The following VAMP4 variants were observed in gnomAD, a reference collection of about 807,000 sequenced individuals.
VAMP4 encodes the protein vesicle-associated membrane protein 4.
VAMP4 carries 19 observed loss-of-function variants against 23.5 expected under a neutral mutation model. The ratio of observed to expected loss-of-function variants is 0.81; its 90% CI spans 0.56 to 1.19. The LOEUF is 1.19. VAMP4 is among the 50% of genes most tolerant of loss of function. The pLI, the probability that VAMP4 is intolerant of heterozygous loss-of-function variation, is 0.00. For synonymous variants in VAMP4, 31 were observed against 51.0 expected, an observed-to-expected ratio of 0.61 and a Z score of 1.67; for missense variants, 145 against 168.6, an observed-to-expected ratio of 0.86 and a Z score of 0.78.
At chr1:171,738,319 T>G in intron 2 of VAMP4, 30 bp downstream of exon 2, 2 of 1,608,220 alleles carry the variant, frequency 1.2e-6, no homozygotes, top group South Asian at 2.2e-5. Flanking sequence ...TTGAATCTTT[T>G]GTTTTTAAAG....
intron 3 of VAMP4, among the ~76,000 whole-genome samples, chr1:171,720,895 A>G (rs538699663): frequency 1.9e-4 from 29 of 152,254 alleles, no homozygotes; most frequent in African/African-American, 6.3e-4. Context: ...TCTAATGAAC[A>G]TAGATGCAAA....
In VAMP4 at chr1:171,709,764, G is replaced by A. The variant is rs1422846960; in HGVS notation, c.266-20C>T. ...AGCTTTCTATATCACATAGAGGATGGAGAGAAGGATTAAACGACATAACAG... is the reference window on the plus strand; with the variant it reads ...AGCTTTCTATATCACATAGAGGATGAAGAGAAGGATTAAACGACATAACAG... On this transcript the variant is annotated intron_variant, in intron 5 of 7. Transcript: ENST00000236192. 3 of 1,583,660 alleles carry A rather than the reference G, an allele frequency of 1.9e-6. No individual in the cohort carries two copies. The highest frequency in any genetic ancestry group is 1.7e-5 in the Admixed American group (1 of 59,908).
At chr1:171,711,680 C>G (rs1016435814) in intron 4 of VAMP4, among the ~76,000 whole-genome samples, 2 of 152,050 alleles carry the variant, frequency 1.3e-5, no homozygotes, top group South Asian at 4.2e-4. Context: ...GTTGCTCTAA[C>G]CACAAAAATT....
At position 171,700,199 on chromosome 1, in the gene VAMP4, A is replaced by G. The variant is rs187742315; in HGVS notation, c.*4307T>C. 1.3e-5 allele frequency: 2 copies of G among 152,170 alleles called. No individual in the cohort carries two copies. The highest frequency in any genetic ancestry group is 2.4e-5 in the African/African-American group (1 of 41,442). 9.4% of individuals were successfully genotyped at this position (152,170 alleles called of 1,614,324 possible). A position where few individuals can be genotyped will look rare whatever the true frequency, so the allele number is the denominator to read the frequency against. On this transcript the variant is annotated 3_prime_UTR_variant, in exon 8 of 8. Transcript: ENST00000236192. ...GAAATAGTTTATTTCATTGTTCACTATGGAGGGGCTACAAATACACTTCTG... is the reference window on the plus strand; with the variant it reads ...GAAATAGTTTATTTCATTGTTCACTGTGGAGGGGCTACAAATACACTTCTG...
chr1:171,721,468 T>A (rs1288284681), intron 3 of VAMP4, among the ~76,000 whole-genome samples: 1 of 152,196 alleles, frequency 6.6e-6, no homozygotes, highest in Non-Finnish European at 1.5e-5. Context: ...GAATACAAGG[T>A]TAATTTACAA....
intron 3 of VAMP4, among the ~76,000 whole-genome samples, chr1:171,719,604 C>T (rs537904988): frequency 3.9e-5 from 6 of 152,092 alleles, no homozygotes; most frequent in South Asian, 4.1e-4. Flanking sequence ...GAACTAAAAG[C>T]GCAATTCATC....
chr1:171,741,403 T>A (rs567514863), intron 1 of VAMP4, among the ~76,000 whole-genome samples: 1 of 152,056 alleles, frequency 6.6e-6, no homozygotes, highest in Non-Finnish European at 1.5e-5. Context: ...ACCTGTCAAG[T>A]GTAACGATTC....
At chr1:171,734,267 C>CA (rs35870022) in intron 2 of VAMP4, among the ~76,000 whole-genome samples, 31,064 of 79,276 alleles carry the variant, frequency 0.39, 5,492 homozygotes, top group East Asian at 0.5. Flanking sequence ...GACTCCGTCT[C>CA]AAAAAAAAAA....
intron 4 of VAMP4, among the ~76,000 whole-genome samples, chr1:171,717,590 C>T (rs986277958): frequency 6.6e-6 from 1 of 151,356 alleles, no homozygotes; most frequent in Non-Finnish European, 1.5e-5. Flanking sequence ...GAGTATCCCA[C>T]AATTTGTACT....
intron 6 of VAMP4, among the ~76,000 whole-genome samples, chr1:171,708,369 TA>T (rs946977637): frequency 1.5e-5 from 2 of 134,980 alleles, no homozygotes; most frequent in African/African-American, 5.4e-5. Context: ...TTAAAGAAAA[TA>T]AATTTATTCT....
rs1466287079 is a variant in VAMP4, at chr1:171,701,040, C to CG, written c.*3465_*3466insC. ...ATTAAAGAGGATCTAAACCCTACAT[C>CG]AATCTAAAGCATTTAGACAAATGCA... On this transcript the variant is annotated 3_prime_UTR_variant, in exon 8 of 8. Transcript: ENST00000236192. 1.3e-5 allele frequency: 2 copies of CG among 152,070 alleles called. No individual in the cohort carries two copies. The highest frequency in any genetic ancestry group is 4.8e-5 in the African/African-American group (2 of 41,414). The allele number at this position is 152,070 out of a possible 1,614,324, so 9.4% of individuals were successfully genotyped here.
intron 1 of VAMP4, 86 bp from the exon 2 acceptor site, chr1:171,738,549 G>T: frequency 1.3e-6 from 1 of 787,548 alleles, no homozygotes; most frequent in Non-Finnish European, 2.0e-6. Context: ...AACCCTGTAT[G>T]ACAGGGACTC....
intron 3 of VAMP4, among the ~76,000 whole-genome samples, chr1:171,720,436 C>T (rs779416682): frequency 2.6e-5 from 4 of 151,618 alleles, no homozygotes; most frequent in African/African-American, 4.8e-5. Flanking sequence ...TAGAAAAACA[C>T]AAAATGAAAA....
rs1190928150 is a variant in VAMP4 at position 171,702,589 on chromosome 1, A to G, written c.*1917T>C. ...TCAACTAATGGAAAATTAACCACTT[A>G]TGAGCCTAGTTCCAATTCAAATAAA... On this transcript the variant is annotated 3_prime_UTR_variant, in exon 8 of 8. Transcript: ENST00000236192. 6.6e-6 allele frequency: 1 copy of G among 151,990 alleles called. No individual in the cohort carries two copies. The highest frequency in any genetic ancestry group is 1.5e-5 in the Non-Finnish European group (1 of 67,852). 9.4% of individuals were successfully genotyped at this position (151,990 alleles called of 1,614,324 possible).
rs1220804024 is a variant in VAMP4 at position 171,703,421 on chromosome 1, GTGTGTATATATATA to G, written c.*1071_*1084del. Reference sequence around the variant, plus strand: ...TGTGTGTGTGTGTGTGTGTGTGTTTGTGTGTATATATATATATATATATATATATATATATATAT... The same window carrying G: ...TGTGTGTGTGTGTGTGTGTGTGTTTGTATATATATATATATATATATATAT... On this transcript the variant is annotated 3_prime_UTR_variant, in exon 8 of 8. Transcript: ENST00000236192. 1.1e-5 allele frequency: 1 copy of G among 87,544 alleles called. No individual in the cohort carries two copies. Among genetic ancestry groups the G allele is most frequent in the African/African-American group, 4.5e-5 (1 of 22,322 alleles). 5.4% of individuals were successfully genotyped at this position (87,544 alleles called of 1,614,324 possible).
In VAMP4 at chr1:171,710,810, GA is replaced by G; in HGVS notation, c.168del (p.Gln57ArgfsTer18). 1.9e-6 allele frequency: 3 copies of G among 1,593,528 alleles called. No individual in the cohort carries two copies. In the South Asian group the frequency reaches 3.4e-5, roughly 18 times the overall value. ...FGPRNDKIKH[V>X]QNQVDEVIDV... ...TCAATAACTTCATCCACTTGATTCT[GA>G]ACACTAGTTTAAAAAAGATACACAA... is the stretch of plus-strand genomic sequence containing the variant. On this transcript the variant is annotated frameshift_variant, in exon 5 of 8. Transcript: ENST00000236192. LOFTEE classifies it high-confidence loss of function.
At chr1:171,712,403 A>G (rs1654876919) in intron 4 of VAMP4, among the ~76,000 whole-genome samples, 1 of 152,170 alleles carries the variant, frequency 6.6e-6, no homozygotes, top group East Asian at 1.9e-4. Flanking sequence ...TGCTATAAAA[A>G]CAAAATGAAG....
At chr1:171,739,198 A>G (rs1173111192) in intron 1 of VAMP4, among the ~76,000 whole-genome samples, 2 of 152,024 alleles carry the variant, frequency 1.3e-5, no homozygotes, top group African/African-American at 4.8e-5. Context: ...TTACAGCCCC[A>G]CCCCCTAGCT....
At chr1:171,720,387 G>C (rs58081399) in intron 3 of VAMP4, among the ~76,000 whole-genome samples, 24,773 of 151,826 alleles carry the variant, frequency 0.16, 2,465 homozygotes, top group African/African-American at 0.28. Context: ...AGCTATGTCT[G>C]TTTCATCTAT....
Sources: gnomAD v4.1 joint callset for allele counts (sites outside exome capture counted in the v4.1 genomes callset) on GRCh38, gnomAD v4.1.1 for gene constraint, MANE v1.5 for transcripts, NCBI Gene and HGNC (gene_info 2026-07-23, HGNC 2026-07-21) for gene names.